Variants in NOVA1 observed in about 807,000 individuals in gnomAD.
NOVA1 encodes the protein NOVA alternative splicing regulator 1.
NOVA1 carries 7 observed loss-of-function variants against 38.0 expected under a neutral mutation model. That is an observed-to-expected ratio of 0.18 (90% confidence interval 0.10 to 0.35). The LOEUF (loss-of-function observed/expected upper bound fraction) is 0.35, where lower values mean the gene tolerates loss of function less well. Ranked by LOEUF, NOVA1 falls within the 10% of genes least tolerant of loss-of-function variation. The pLI, the probability that NOVA1 is intolerant of heterozygous loss-of-function variation, is 1.00. For missense variants in NOVA1, 460 were observed against 616.0 expected, an observed-to-expected ratio of 0.75 and a Z score of 2.68; for synonymous variants, 270 against 232.5, an observed-to-expected ratio of 1.16 and a Z score of -1.47.
chr14:26,596,875 C>A, intron 1 of NOVA1: 1 of 1,137,358 alleles, frequency 8.8e-7, no homozygotes, highest in Non-Finnish European at 1.1e-6. Context: ...CAATCCGCTA[C>A]CCAAGTGCCA....
chr14:26,475,112 T>C (rs1256615357), intron 3 of NOVA1, among the ~76,000 whole-genome samples: 3 of 152,108 alleles, frequency 2.0e-5, no homozygotes, highest in African/African-American at 7.2e-5. Flanking sequence ...AGATTTCTTA[T>C]AAAACAAAAA....
At chr14:26,581,872 A>G (rs768857219) in intron 2 of NOVA1, among the ~76,000 whole-genome samples, 1 of 151,910 alleles carries the variant, frequency 6.6e-6, no homozygotes, top group Non-Finnish European at 1.5e-5. Flanking sequence ...TTGACATATC[A>G]CAAATAATTT....
intron 2 of NOVA1, among the ~76,000 whole-genome samples, chr14:26,539,111 T>G (rs1486122148): frequency 2.6e-5 from 4 of 152,156 alleles, no homozygotes; most frequent in Admixed American, 1.3e-4. Flanking sequence ...TCTAAAATTC[T>G]CTATTTGGGT....
At chr14:26,468,324 A>C (rs78015733) in intron 4 of NOVA1, among the ~76,000 whole-genome samples, 40 of 130,580 alleles carry the variant, frequency 3.1e-4, no homozygotes, top group African/African-American at 5.0e-4. Context: ...AAAAAAAAAA[A>C]CCCTCACAAA....
intron 2 of NOVA1, among the ~76,000 whole-genome samples, chr14:26,529,003 G>A (rs1889500909): frequency 6.6e-6 from 1 of 152,076 alleles, no homozygotes; most frequent in Non-Finnish European, 1.5e-5. Context: ...TGAATGGCTT[G>A]GCTCTGGATG....
intron 4 of NOVA1, among the ~76,000 whole-genome samples, chr14:26,471,313 T>C (rs1010351656): frequency 2.6e-5 from 4 of 151,968 alleles, no homozygotes; most frequent in Admixed American, 6.6e-5. Context: ...TTATATTAGA[T>C]AATACGCAAA....
intron 2 of NOVA1, among the ~76,000 whole-genome samples, chr14:26,525,887 A>G (rs1022322607): frequency 2.0e-5 from 3 of 152,112 alleles, no homozygotes; most frequent in Non-Finnish European, 2.9e-5. Flanking sequence ...ATCATTTTAA[A>G]TATAGTAGTA....
chr14:26,554,621 A>G (rs936584222), intron 2 of NOVA1, among the ~76,000 whole-genome samples: 2 of 152,192 alleles, frequency 1.3e-5, no homozygotes, highest in Non-Finnish European at 2.9e-5. Context: ...GAGTGATTTG[A>G]CTAATCATAA....
chr14:26,506,032 T>C (rs371094978), intron 2 of NOVA1, among the ~76,000 whole-genome samples: 1 of 152,116 alleles, frequency 6.6e-6, no homozygotes, highest in Admixed American at 6.5e-5. Context: ...TACATAAAAA[T>C]AGATGCTTAT....
At chr14:26,579,467 A>C (rs1893076717) in intron 2 of NOVA1, among the ~76,000 whole-genome samples, 1 of 152,212 alleles carries the variant, frequency 6.6e-6, no homozygotes, top group African/African-American at 2.4e-5. Context: ...AATCAGTATA[A>C]TCTTATTAAA....
Position 26,448,064 on chromosome 14 carries a change from G to A in NOVA1, c.1419C>T (p.Thr473=). The A allele has an allele frequency of 6.2e-7, 1 of 1,614,106 alleles. No homozygotes were observed. Residue 473 remains threonine (T), a synonymous_variant, in exon 5 of 5, where the codon ACC becomes ACT. Coordinates refer to ENST00000539517, the MANE Select transcript of NOVA1 (RefSeq NM_002515.3). This position sits in a 1 kb window ranked among gnomAD's most constrained non-coding sequence, Gnocchi z 5.3. ...FVPGTRNRKV[T]ITGTPAATQA... ...GTGTTGCAGCTGGTGTTCCAGTAAT[G>A]GTTACCTTCCGATTCCTTGTGCCAG...
intron 2 of NOVA1, among the ~76,000 whole-genome samples, chr14:26,583,598 T>C (rs543637804): frequency 2.6e-5 from 4 of 151,724 alleles, no homozygotes; most frequent in East Asian, 1.9e-4. Flanking sequence ...AAATGCAAGA[T>C]AGATTTTTAA....
chr14:26,474,317 C>T (rs572837180), intron 3 of NOVA1, among the ~76,000 whole-genome samples: 4 of 151,958 alleles, frequency 2.6e-5, no homozygotes, highest in Non-Finnish European at 5.9e-5. Context: ...TGAAGTACTA[C>T]AGGTTTAATA....
At chr14:26,583,908 CACACACACACACAT>C (rs1286520068) in intron 2 of NOVA1, among the ~76,000 whole-genome samples, 3 of 149,132 alleles carry the variant, frequency 2.0e-5, no homozygotes, top group Non-Finnish European at 4.5e-5. Context: ...CACACACACA[CACACACACACACAT>C]ATATTGTATA....
intron 2 of NOVA1, among the ~76,000 whole-genome samples, chr14:26,564,667 TCA>T (rs1306835887): frequency 6.6e-6 from 1 of 152,190 alleles, no homozygotes; most frequent in Non-Finnish European, 1.5e-5. Context: ...TGTACAAAAT[TCA>T]CAGAGTTTGC....
At chr14:26,524,938 T>C (rs952811248) in intron 2 of NOVA1, among the ~76,000 whole-genome samples, 2 of 152,224 alleles carry the variant, frequency 1.3e-5, no homozygotes, top group Admixed American at 6.5e-5. Context: ...TCAGAAATAC[T>C]ACGGCCCAAA....
intron 2 of NOVA1, among the ~76,000 whole-genome samples, chr14:26,525,289 C>A (rs1004613896): frequency 7.2e-5 from 11 of 152,170 alleles, no homozygotes; most frequent in Non-Finnish European, 1.2e-4. Context: ...CCAATTCCTA[C>A]AAGAGCTTTT....
At chr14:26,508,576 A>ACC (rs1185179946) in intron 2 of NOVA1, among the ~76,000 whole-genome samples, 7 of 149,920 alleles carry the variant, frequency 4.7e-5, no homozygotes, top group Admixed American at 4.0e-4. Context: ...ACACACACAC[A>ACC]CCATTTATCC....
At chr14:26,532,408 A>C (rs1452249167) in intron 2 of NOVA1, among the ~76,000 whole-genome samples, 1 of 152,216 alleles carries the variant, frequency 6.6e-6, no homozygotes, top group East Asian at 1.9e-4. Context: ...CATGATTCAG[A>C]GCAAAAGAAA....
Sources: gnomAD v4.1 joint callset for allele counts (sites outside exome capture counted in the v4.1 genomes callset) on GRCh38, gnomAD v4.1.1 for gene constraint, Gnocchi (gnomAD v3.1) non-coding constraint, MANE v1.5 for transcripts, NCBI Gene and HGNC (gene_info 2026-07-23, HGNC 2026-07-21) for gene names.